The following RBFOX1 variants were observed in gnomAD, a reference collection of about 807,000 sequenced individuals.
RBFOX1 encodes the protein RNA binding fox-1 homolog 1, also known as RNA binding protein fox-1 homolog 1.
Under a neutral mutation model 57.7 loss-of-function variants are expected in RBFOX1, and 8 were observed. That is an observed-to-expected ratio of 0.14 (90% CI 0.08 to 0.25). The LOEUF (loss-of-function observed/expected upper bound fraction) is 0.25, where lower values mean the gene tolerates loss of function less well. Among genes scored for constraint, RBFOX1 ranks in the 10% least tolerant of loss-of-function variants. The pLI is 1.00. For synonymous variants in RBFOX1, 326 were observed against 222.4 expected (o/e 1.47, Z -4.15); for missense variants, 611 against 548.5 (o/e 1.11, Z -1.14).
intron 4 of RBFOX1, among the ~76,000 whole-genome samples, chr16:7,463,777 G>C (rs1336772574): frequency 1.3e-5 from 2 of 152,162 alleles, no homozygotes; most frequent in Non-Finnish European, 2.9e-5. Context: ...AATGTTAGCA[G>C]ACATTGCTCT....
intron 14 of RBFOX1, among the ~76,000 whole-genome samples, chr16:7,705,048 GAAAAAAA>G (rs36086189): frequency 3.1e-5 from 4 of 129,836 alleles, no homozygotes; most frequent in South Asian, 2.5e-4. Flanking sequence ...TGTCTCAAAA[GAAAAAAA>G]AAAAAAAAAG....
intron 1 of RBFOX1, among the ~76,000 whole-genome samples, chr16:5,272,442 C>G (rs762433536): frequency 1.6e-4 from 25 of 152,140 alleles, no homozygotes; most frequent in African/African-American, 2.9e-4. Flanking sequence ...GCTCTCAGGC[C>G]CACAGAGTCC....
chr16:7,246,819 G>T (rs568113817), intron 4 of RBFOX1, among the ~76,000 whole-genome samples: 69 of 152,094 alleles, frequency 4.5e-4, no homozygotes, highest in African/African-American at 1.6e-3. Context: ...CTGACTGACT[G>T]ATCAAAGAGA....
Position 7,710,975 on chromosome 16 carries a change from C to T in RBFOX1, c.*230C>T. Reference sequence around the variant, plus strand: ...GAAGGTTCCGTAGTTTGGTTGCTGGCTGTAGGAGTTTTTGTGGTTGATCTA... The same window carrying T: ...GAAGGTTCCGTAGTTTGGTTGCTGGTTGTAGGAGTTTTTGTGGTTGATCTA... On this transcript the variant is annotated 3_prime_UTR_variant, in exon 16 of 16. Coordinates refer to ENST00000550418, the MANE Select transcript of RBFOX1 (RefSeq NM_018723.4). 4.2e-6 allele frequency: 2 copies of T among 479,382 alleles called. No individual in the cohort carries two copies. Among genetic ancestry groups the T allele is most frequent in the Non-Finnish European group, 6.6e-6 (2 of 300,908 alleles). The allele number at this position is 479,382 out of a possible 1,614,324, so 29.7% of individuals were successfully genotyped here.
At chr16:6,176,328 T>C (rs912089834) in intron 1 of RBFOX1, among the ~76,000 whole-genome samples, 1 of 148,176 alleles carries the variant, frequency 6.7e-6, no homozygotes, top group Non-Finnish European at 1.5e-5. Flanking sequence ...TTTTTTTTTT[T>C]TTTTTTTTTT....
chr16:6,983,057 T>C (rs2089364704), intron 3 of RBFOX1, among the ~76,000 whole-genome samples: 2 of 150,112 alleles, frequency 1.3e-5, no homozygotes, highest in Non-Finnish European at 3.0e-5. Flanking sequence ...TTTGGTAAGT[T>C]ATCTAACATC....
At chr16:6,608,254 A>G (rs781388507) in intron 2 of RBFOX1, among the ~76,000 whole-genome samples, 5 of 152,210 alleles carry the variant, frequency 3.3e-5, no homozygotes, top group Non-Finnish European at 7.3e-5. Flanking sequence ...AATCATTAAT[A>G]GATACCTGAA....
rs185201689 is a variant in RBFOX1 at position 6,416,684 on chromosome 16, C to G, written c.-64+99627C>G. ...AGTCTAAGGGAGAATATGCCATTTC[C>G]ACGCCCATGTTACTGCTGCATTCGC... On this transcript the variant is annotated intron_variant, in intron 2 of 15. Transcript: ENST00000550418. Among the ~76,000 whole-genome samples the G allele has an allele frequency of 3.0e-3, 454 of 152,176 alleles. 5 individuals carry two copies. Among genetic ancestry groups the G allele is most frequent in the Non-Finnish European group, 1.1e-3 (74 of 68,016 alleles).
chr16:6,263,799 ACCACTC>A (rs2097716375), intron 1 of RBFOX1, among the ~76,000 whole-genome samples: 1 of 152,178 alleles, frequency 6.6e-6, no homozygotes, highest in Admixed American at 6.5e-5. Flanking sequence ...CATTGGAAGC[ACCACTC>A]CATCTGTGAA....
At chr16:5,763,104 G>C (rs2053644380) in intron 3 of RBFOX1, among the ~76,000 whole-genome samples, 1 of 152,188 alleles carries the variant, frequency 6.6e-6, no homozygotes, top group Non-Finnish European at 1.5e-5. Context: ...TGGAAATCAA[G>C]ACAAGAAAGT....
At position 6,216,910 on chromosome 16, in the gene RBFOX1, T is replaced by C. The variant is rs563518040; in HGVS notation, c.-126-100085T>C. 2.6e-5 allele frequency among the ~76,000 whole-genome samples: 4 copies of C among 152,276 alleles called. No homozygotes were observed. The South Asian group carries it at 8.3e-4, about 32-fold the overall frequency. ...CTCTCCCTTGGAAGCTCTTCTTTGATAATCAGGCTGGTCTTCTGTTCTTTC... is the reference window on the plus strand; with the variant it reads ...CTCTCCCTTGGAAGCTCTTCTTTGACAATCAGGCTGGTCTTCTGTTCTTTC... On this transcript the variant is annotated intron_variant, in intron 1 of 15. Coordinates refer to ENST00000550418, the MANE Select transcript of RBFOX1 (RefSeq NM_018723.4).
intron 1 of RBFOX1, among the ~76,000 whole-genome samples, chr16:6,178,128 G>A (rs966732483): frequency 1.3e-5 from 2 of 151,246 alleles, no homozygotes; most frequent in Non-Finnish European, 2.9e-5. Context: ...TATGGTCATG[G>A]ACACCTGGGG....
intron 1 of RBFOX1, among the ~76,000 whole-genome samples, chr16:5,343,689 C>G (rs1438230663): frequency 6.6e-6 from 1 of 152,128 alleles, no homozygotes; most frequent in Non-Finnish European, 1.5e-5. Flanking sequence ...AATATGGGTG[C>G]CAGTTCTTCA....
intron 5 of RBFOX1, among the ~76,000 whole-genome samples, chr16:7,522,183 C>T (rs370145927): frequency 7.0e-4 from 107 of 152,250 alleles, no homozygotes; most frequent in African/African-American, 2.4e-3. Flanking sequence ...ATTAAAGAAA[C>T]GAAGTAGACA....
At chr16:6,579,770 G>C (rs980882171) in intron 2 of RBFOX1, among the ~76,000 whole-genome samples, 2 of 151,966 alleles carry the variant, frequency 1.3e-5, no homozygotes, top group Admixed American at 6.6e-5. Flanking sequence ...TTTTTTTGTA[G>C]AGACACGGTC....
intron 4 of RBFOX1, among the ~76,000 whole-genome samples, chr16:7,206,822 G>A (rs527897835): frequency 7.6e-4 from 115 of 152,038 alleles, no homozygotes; most frequent in African/African-American, 2.4e-3. Flanking sequence ...TTTAAGTTGG[G>A]ATTTATAAAC....
At chr16:6,926,017 T>G (rs2075515636) in intron 3 of RBFOX1, among the ~76,000 whole-genome samples, 1 of 152,066 alleles carries the variant, frequency 6.6e-6, no homozygotes. Flanking sequence ...CTCAAAAACC[T>G]CAACTTGCTG....
chr16:5,491,029 C>G (rs543353682), intron 2 of RBFOX1, among the ~76,000 whole-genome samples: 2 of 152,056 alleles, frequency 1.3e-5, no homozygotes, highest in African/African-American at 4.8e-5. Flanking sequence ...GTCATCTCCC[C>G]GATTTGATCT....
intron 4 of RBFOX1, among the ~76,000 whole-genome samples, chr16:7,452,496 T>G (rs2057560757): frequency 6.6e-6 from 1 of 152,210 alleles, no homozygotes. Flanking sequence ...AAAGTACCTT[T>G]TCTCTCTTAT....
Sources: gnomAD v4.1 joint callset for allele counts (sites outside exome capture counted in the v4.1 genomes callset) on GRCh38, gnomAD v4.1.1 for gene constraint, MANE v1.5 for transcripts, NCBI Gene and HGNC (gene_info 2026-07-23, HGNC 2026-07-21) for gene names.